The following DACH1 variants were observed in gnomAD, a reference collection of about 807,000 sequenced individuals.
DACH1 encodes dachshund family transcription factor 1.
In DACH1, 12 loss-of-function variants were observed where a neutral mutation model predicts 54.2. The ratio of observed to expected loss-of-function variants is 0.22; its 90% CI spans 0.14 to 0.36. The LOEUF (loss-of-function observed/expected upper bound fraction) is 0.36, where lower values mean the gene tolerates loss of function less well. Ranked by LOEUF, DACH1 falls within the 10% of genes least tolerant of loss-of-function variation. The probability of loss-of-function intolerance (pLI) is 1.00; values close to 1 mark genes in which losing one functional copy is unlikely to be tolerated. For synonymous variants in DACH1, 386 were observed against 366.2 expected, an observed-to-expected ratio of 1.05 and a Z score of -0.62; for missense variants, 805 against 929.8, an observed-to-expected ratio of 0.87 and a Z score of 1.75.
At chr13:71,711,573 A>G (rs985076164) in intron 1 of DACH1, among the ~76,000 whole-genome samples, 1 of 152,346 alleles carries the variant, frequency 6.6e-6, no homozygotes, top group Middle Eastern at 3.4e-3. Context: ...CCATTTTAAC[A>G]TGAGTAAACC....
chr13:71,630,704 G>A lies in DACH1; in HGVS notation c.978C>T (p.Ala326=), dbSNP rs539979201. 3.5e-5 allele frequency: 55 copies of A among 1,578,702 alleles called. 2 individuals carry two copies. Among genetic ancestry groups the A allele is most frequent in the African/African-American group, 1.6e-4 (12 of 72,784 alleles). The change falls in exon 3 of 11, where the codon GCC becomes GCT. Residue 326 remains alanine, a synonymous_variant. Coordinates refer to ENST00000613252, the MANE Select transcript of DACH1 (RefSeq NM_080759.6). ...GIIPPTGLTA[A]AAAAAAATNA... ...TGGTAGCAGCAGCAGCTGCTGCAGC[G>A]GCTGCTGTCAGACCTTAAAAGAATA...
chr13:71,685,201 G>A (rs534355966), intron 1 of DACH1, among the ~76,000 whole-genome samples: 3 of 152,122 alleles, frequency 2.0e-5, no homozygotes, highest in Admixed American at 1.3e-4. Flanking sequence ...GAATAGACCC[G>A]GTGGGCTCCT....
chr13:71,687,798 C>T (rs1418386577), intron 1 of DACH1, among the ~76,000 whole-genome samples: 1 of 152,014 alleles, frequency 6.6e-6, no homozygotes, highest in Admixed American at 6.6e-5. Flanking sequence ...TTGTAAAGAG[C>T]GAGTTTCACC....
At chr13:71,749,778 G>T (rs533738356) in intron 1 of DACH1, among the ~76,000 whole-genome samples, 3 of 152,090 alleles carry the variant, frequency 2.0e-5, no homozygotes, top group Admixed American at 1.3e-4. Flanking sequence ...CACGAGTTCC[G>T]TAACCGTCAT....
chr13:71,751,581 A>G (rs1884928500), intron 1 of DACH1, among the ~76,000 whole-genome samples: 1 of 152,192 alleles, frequency 6.6e-6, no homozygotes, highest in Non-Finnish European at 1.5e-5. Flanking sequence ...ATAAACCCTC[A>G]CCTCTAGCAT....
chr13:71,810,172 C>T (rs1887656037), intron 1 of DACH1, among the ~76,000 whole-genome samples: 1 of 152,040 alleles, frequency 6.6e-6, no homozygotes. Context: ...ATACCAGGCG[C>T]TGTACTAGAT....
At chr13:71,701,273 G>A (rs10507797) in intron 1 of DACH1, among the ~76,000 whole-genome samples, 5,729 of 151,908 alleles carry the variant, frequency 0.038, 282 homozygotes, top group African/African-American at 0.11. Flanking sequence ...CTACATAATC[G>A]AGACATTTTC....
At chr13:71,571,030 T>C (rs1449808541) in intron 4 of DACH1, among the ~76,000 whole-genome samples, 1 of 152,184 alleles carries the variant, frequency 6.6e-6, no homozygotes, top group African/African-American at 2.4e-5. Context: ...AAATATTAGC[T>C]ACAGGCCATA....
intron 1 of DACH1, among the ~76,000 whole-genome samples, chr13:71,790,609 T>A (rs1886794171): frequency 6.6e-6 from 1 of 152,092 alleles, no homozygotes; most frequent in Non-Finnish European, 1.5e-5. Flanking sequence ...AGAACCAAAG[T>A]AGTATAATGA....
intron 2 of DACH1, among the ~76,000 whole-genome samples, chr13:71,634,212 A>T (rs1877309662): frequency 6.6e-6 from 1 of 152,052 alleles, no homozygotes; most frequent in Non-Finnish European, 1.5e-5. Context: ...ACCTCAAGTG[A>T]TCCACCTGCC....
At chr13:71,856,538 A>T (rs1874015698) in intron 1 of DACH1, among the ~76,000 whole-genome samples, 2 of 151,984 alleles carry the variant, frequency 1.3e-5, no homozygotes, top group Admixed American at 1.3e-4. Flanking sequence ...AAGTAATGTG[A>T]AATACTTGTA....
intron 1 of DACH1, among the ~76,000 whole-genome samples, chr13:71,747,735 G>T (rs1189473588): frequency 6.6e-6 from 1 of 152,208 alleles, no homozygotes; most frequent in Non-Finnish European, 1.5e-5. Context: ...TACCTTGAGA[G>T]TGTCTCTACT....
intron 1 of DACH1, among the ~76,000 whole-genome samples, chr13:71,855,048 G>A (rs1873910468): frequency 6.6e-6 from 1 of 152,016 alleles, no homozygotes; most frequent in South Asian, 2.1e-4. Context: ...ACTTATGATA[G>A]TAAGGAAAGT....
intron 1 of DACH1, among the ~76,000 whole-genome samples, chr13:71,754,428 G>A (rs1885056727): frequency 6.6e-6 from 1 of 152,220 alleles, no homozygotes; most frequent in African/African-American, 2.4e-5. Flanking sequence ...AGATATGGGA[G>A]TTGATACTTT....
Position 71,608,307 on chromosome 13 carries a change from C to A in DACH1, c.1126+22249G>T, listed in dbSNP as rs559202628. Among the ~76,000 whole-genome samples, 5 of 151,956 alleles carry A rather than the reference C, an allele frequency of 3.3e-5. No homozygotes were observed. In the East Asian group the frequency reaches 7.7e-4, roughly 23 times the overall value. On this transcript the variant is annotated intron_variant, in intron 3 of 10. Coordinates refer to ENST00000613252, the MANE Select transcript of DACH1 (RefSeq NM_080759.6). ...GACTAATACACATTAAAATTCGTTT[C>A]TTCTATGAAAACTATTAACAAGATG...
At chr13:71,669,563 C>A (rs1880086002) in intron 2 of DACH1, among the ~76,000 whole-genome samples, 1 of 152,106 alleles carries the variant, frequency 6.6e-6, no homozygotes, top group South Asian at 2.1e-4. Context: ...CAAAACCATA[C>A]TTCCCACCCA....
At chr13:71,537,258 T>C (rs1882866121) in intron 6 of DACH1, among the ~76,000 whole-genome samples, 1 of 152,078 alleles carries the variant, frequency 6.6e-6, no homozygotes, top group Non-Finnish European at 1.5e-5. Flanking sequence ...GCCTTTGCGT[T>C]ATCATTCAGC....
chr13:71,849,836 T>C (rs1048031125), intron 1 of DACH1, among the ~76,000 whole-genome samples: 41 of 152,366 alleles, frequency 2.7e-4, no homozygotes, highest in African/African-American at 9.6e-4. Context: ...ACTTAGTTTC[T>C]AGCAGGTATT....
rs1881319033 is a variant in DACH1, at chr13:71,518,377, C to T, written c.1571-29229G>A. 1.3e-5 allele frequency among the ~76,000 whole-genome samples: 2 copies of T among 151,442 alleles called. 1 individual carries two copies. Among genetic ancestry groups the T allele is most frequent in the South Asian group, 4.2e-4 (2 of 4,810 alleles). ...CAAACCTTGATTTTGAACTTCTAGC[C>T]TTCAGAACTGTGGAAAAAAAAAAAT... On this transcript the variant is annotated intron_variant, in intron 6 of 10. Transcript: ENST00000613252.
Sources: allele counts gnomAD v4.1 joint callset (sites outside exome capture counted in the v4.1 genomes callset), GRCh38; gene constraint gnomAD v4.1.1; transcripts MANE v1.5; gene names NCBI Gene and HGNC (gene_info 2026-07-23, HGNC 2026-07-21).